AVIL: variants seen among roughly 807,000 people sequenced by gnomAD.
AVIL encodes the protein advillin.
Under a neutral mutation model 109.9 loss-of-function variants are expected in AVIL, and 78 were observed. The ratio of observed to expected loss-of-function variants is 0.71; its 90% CI spans 0.59 to 0.86. The LOEUF is 0.86. AVIL is among the 40% of genes least tolerant of loss of function. The pLI is 0.00. For missense variants in AVIL, 892 were observed against 1,016.5 expected (o/e 0.88, Z 1.67); for synonymous variants, 367 against 379.1 (o/e 0.97, Z 0.37).
At chr12:57,805,191 G>A (rs1246527258) in intron 14 of AVIL, among the ~76,000 whole-genome samples, 1 of 151,922 alleles carries the variant, frequency 6.6e-6, no homozygotes, top group Non-Finnish European at 1.5e-5. Context: ...GAGTAGCTGG[G>A]ACTACAGGCG....
Position 57,801,224 on chromosome 12 carries a change from A to C in AVIL, c.2152-12T>G. ...TATGTTTTTCCTGCCTGAGAAGAAG[A>C]GAGAGAAAACACAGGATGAGGTCTT... On this transcript the variant is annotated splice_polypyrimidine_tract_variant and intron_variant, in intron 17 of 19. Coordinates refer to ENST00000549994, the MANE Select transcript of AVIL (RefSeq NM_006576.4). 1 of 1,611,820 alleles carries C rather than the reference A, an allele frequency of 6.2e-7. No individual in the cohort carries two copies. The highest frequency in any genetic ancestry group is 8.5e-7 in the Non-Finnish European group (1 of 1,178,366).
Position 57,803,291 on chromosome 12 carries a change from C to A in AVIL, c.1918G>T (p.Asp640Tyr), listed in dbSNP as rs1012399728. 1 of 1,614,168 alleles carries A rather than the reference C, an allele frequency of 6.2e-7. No homozygotes were observed. Among genetic ancestry groups the A allele is most frequent in the Non-Finnish European group, 8.5e-7 (1 of 1,180,024 alleles). ...VTEITDFTQD[D>Y]LNPTDVMLLD... ...AGCATCACGTCAGTAGGGTTCAGGT[C>A]ATCCTGGGTGAAGTCTGTGATCTCA... Residue 640 changes from aspartate (D) to tyrosine (Y), a missense_variant, in exon 16 of 20, where the codon GAC (aspartate) becomes TAC (tyrosine). Transcript: ENST00000549994.
In AVIL at chr12:57,818,182, CTTTTTTTTTTTTTT is replaced by C. The variant is rs66731427; in HGVS notation, c.-20+433_-20+446del. 8.5e-4 allele frequency among the ~76,000 whole-genome samples: 30 copies of C among 35,274 alleles called. No homozygotes were observed. The South Asian group carries it at 9.9e-3, about 12-fold the overall frequency. The allele number at this position is 35,274 out of a possible 152,430, so 23.1% of individuals were successfully genotyped here. A position where few individuals can be genotyped will look rare whatever the true frequency, so the allele number is the denominator to read the frequency against. On this transcript the variant is annotated intron_variant, in intron 1 of 19. Coordinates refer to ENST00000549994, the MANE Select transcript of AVIL (RefSeq NM_006576.4). ...CACAGGTGTGCACCACCATGCTTGGCTTTTTTTTTTTTTTTTTTTTTTTTTTTTTTTGTAGAGAC... is the reference window on the plus strand; with the variant it reads ...CACAGGTGTGCACCACCATGCTTGGCTTTTTTTTTTTTTTTTTGTAGAGAC...
intron 18 of AVIL, 160 bp from the exon 19 acceptor site, chr12:57,800,080 A>C: frequency 1.1e-6 from 1 of 943,606 alleles, no homozygotes; most frequent in African/African-American, 1.7e-5. Context: ...GCATGTCAGA[A>C]TCATCTGGGA....
At chr12:57,803,702 G>A in intron 14 of AVIL, 33 bp from the exon 15 acceptor site, 1 of 1,607,380 alleles carries the variant, frequency 6.2e-7, no homozygotes, top group South Asian at 1.1e-5. Context: ...ACAGATGTTA[G>A]TTGCACAGGG....
intron 15 of AVIL, 55 bp from the exon 16 acceptor site, chr12:57,803,446 GAGGTTTTA>G: frequency 6.2e-7 from 1 of 1,613,362 alleles, no homozygotes; most frequent in Non-Finnish European, 8.5e-7. Context: ...TTTTAAAACT[GAGGTTTTA>G]GCCTTTGTGC....
intron 19 of AVIL, among the ~76,000 whole-genome samples, chr12:57,799,182 CATG>C (rs1345131188): frequency 6.6e-6 from 1 of 152,124 alleles, no homozygotes; most frequent in African/African-American, 2.4e-5. Context: ...CTGAGACCTA[CATG>C]ATGAGAAGGT....
intron 14 of AVIL, chr12:57,803,981 T>C (rs576954300): frequency 6.9e-4 from 174 of 251,522 alleles, no homozygotes; most frequent in African/African-American, 3.5e-3. Context: ...AATTTATTTT[T>C]AAAAGTACAT....
At position 57,803,580 on chromosome 12, in the gene AVIL, C is replaced by G. The variant is rs142606117; in HGVS notation, c.1761G>C (p.Glu587Asp). Residue 587 changes from glutamate to aspartate, a missense_variant, in exon 15 of 20, where the codon GAG becomes GAC. Transcript: ENST00000549994. ...CCAGTAGGTCCCAGAACTCGGCTGG[C>G]TCCTGGCCCTCGGCCACAGTGTTCT... ...GSENTVAEGQ[E>D]PAEFWDLLGG... 10 of 1,614,062 alleles carry G rather than the reference C, an allele frequency of 6.2e-6. No individual in the cohort carries two copies. The highest frequency in any genetic ancestry group is 7.6e-6 in the Non-Finnish European group (9 of 1,180,036).
At chr12:57,803,483 G>C in intron 15 of AVIL, 41 bp downstream of exon 15, 1 of 1,613,816 alleles carries the variant, frequency 6.2e-7, no homozygotes, top group Non-Finnish European at 8.5e-7. Context: ...AGCCTGGCAG[G>C]CAGGGGGAGC....
Position 57,803,572 on chromosome 12 carries a change from T to C in AVIL, c.1769A>G (p.Glu590Gly). 2 of 1,614,182 alleles carry C rather than the reference T, an allele frequency of 1.2e-6. No homozygotes were observed. Among genetic ancestry groups the C allele is most frequent in the Non-Finnish European group, 1.7e-6 (2 of 1,180,038 alleles). The change falls in exon 15 of 20, where the codon GAG becomes GGG. Residue 590 changes from glutamate to glycine, a missense_variant. By Grantham distance (98) the Glu-to-Gly change is moderately conservative. Coordinates refer to ENST00000549994, the MANE Select transcript of AVIL (RefSeq NM_006576.4). ...NTVAEGQEPA[E>G]FWDLLGGKTP... ...TTTCCCTCCCAGTAGGTCCCAGAAC[T>C]CGGCTGGCTCCTGGCCCTCGGCCAC...
At chr12:57,812,018 T>A (rs559040237) in intron 4 of AVIL, among the ~76,000 whole-genome samples, 4 of 151,976 alleles carry the variant, frequency 2.6e-5, no homozygotes, top group Non-Finnish European at 2.9e-5. Context: ...AAAGACAGGG[T>A]CTCACTCTGT....
At chr12:57,803,213 T>G (rs2140441707) in intron 16 of AVIL, 34 bp downstream of exon 16, 1 of 1,613,082 alleles carries the variant, frequency 6.2e-7, no homozygotes, top group East Asian at 2.2e-5. Context: ...GTGGGAGTCT[T>G]TCTCATGTTC....
chr12:57,797,944 G>A lies in AVIL; in HGVS notation c.2398C>T (p.Gln800Ter). The change falls in exon 20 of 20, where the codon CAA (glutamine) becomes TAA (stop). Residue 800 changes from glutamine to a stop codon, truncating the protein, a stop_gained. Transcript: ENST00000549994. LOFTEE classifies it high-confidence loss of function. Reference sequence around the variant, plus strand: ...TTCCAGCCAGGCAGAGCTGCAAATTGCCCTCTTGTGATGCCAAACACAGAC... The same window carrying A: ...TTCCAGCCAGGCAGAGCTGCAAATTACCCTCTTGTGATGCCAAACACAGAC... Reference protein sequence around the residue: ...FVSVFGITRGQFAALPGWKQL... With the variant: ...FVSVFGITRG The A allele has an allele frequency of 6.2e-7, 1 of 1,613,102 alleles. No individual in the cohort carries two copies. The highest frequency in any genetic ancestry group is 2.2e-5 in the East Asian group (1 of 44,828).
At chr12:57,805,349 G>A (rs1026846944) in intron 14 of AVIL, among the ~76,000 whole-genome samples, 1 of 151,936 alleles carries the variant, frequency 6.6e-6, no homozygotes. Flanking sequence ...GAGCCACCGC[G>A]CCCGGCCTTA....
chr12:57,805,305 C>T (rs1955925682), intron 14 of AVIL, among the ~76,000 whole-genome samples: 1 of 152,182 alleles, frequency 6.6e-6, no homozygotes, highest in Non-Finnish European at 1.5e-5. Flanking sequence ...GATCTGCCTG[C>T]CTCAGCCTCC....
intron 1 of AVIL, among the ~76,000 whole-genome samples, chr12:57,818,182 C>CTTTTGTTT (rs1956120080): frequency 2.8e-5 from 1 of 35,256 alleles, no homozygotes; most frequent in Non-Finnish European, 5.3e-5. Context: ...CCATGCTTGG[C>CTTTTGTTT]TTTTTTTTTT....
chr12:57,813,410 G>GC lies in AVIL; in HGVS notation c.154dup (p.Ala52GlyfsTer20). 2 of 1,613,792 alleles carry GC rather than the reference G, an allele frequency of 1.2e-6. No homozygotes were observed. ...GTGGATGTCCTGGGATAGGAGACTG[G>GC]CCACTCTCCGGGTCTGGGAGGTAGT... On this transcript the variant is annotated frameshift_variant, in exon 4 of 20. Coordinates refer to ENST00000549994, the MANE Select transcript of AVIL (RefSeq NM_006576.4). LOFTEE classifies it high-confidence loss of function.
rs759831098 is a variant in AVIL, at chr12:57,802,310, C to T, written c.2001G>A (p.Glu667=). ...GTGCTGTGGCAAGGGCACTCTCCTT[C>T]TCCGTGGCATTGGCCTCAGCCCCAA... The part of the protein sequence containing the change: ...LWIGAEANAT[E]KESALATAQQ... The change falls in exon 17 of 20, where the codon GAG becomes GAA. Residue 667 remains glutamate (E), a synonymous_variant. Coordinates refer to ENST00000549994, the MANE Select transcript of AVIL (RefSeq NM_006576.4). The T allele has an allele frequency of 1.9e-6, 3 of 1,613,834 alleles. No individual in the cohort carries two copies. Among genetic ancestry groups the T allele is most frequent in the Non-Finnish European group, 2.5e-6 (3 of 1,179,876 alleles).
Sources: gnomAD v4.1 joint callset for allele counts (sites outside exome capture counted in the v4.1 genomes callset) on GRCh38, gnomAD v4.1.1 for gene constraint, MANE v1.5 for transcripts, NCBI Gene and HGNC (gene_info 2026-07-23, HGNC 2026-07-21) for gene names.